The following RAI14 variants were observed in gnomAD, a reference collection of about 807,000 sequenced individuals.
RAI14 encodes the protein ankycorbin.
Under a neutral mutation model 115.4 loss-of-function variants are expected in RAI14, and 45 were observed. That is an observed-to-expected ratio of 0.39 (90% CI 0.31 to 0.50). RAI14 has a LOEUF of 0.50. Ranked by LOEUF, RAI14 falls within the 20% of genes least tolerant of loss-of-function variation. The probability of loss-of-function intolerance (pLI) is 0.85; values close to 1 mark genes in which losing one functional copy is unlikely to be tolerated. For missense variants in RAI14, 939 were observed against 1,131.2 expected (o/e 0.83, Z 2.44); for synonymous variants, 371 against 415.4 (o/e 0.89, Z 1.30).
At chr5:34,792,505 A>G (rs946846142) in intron 3 of RAI14, among the ~76,000 whole-genome samples, 2 of 152,168 alleles carry the variant, frequency 1.3e-5, no homozygotes, top group Non-Finnish European at 2.9e-5. Context: ...AAGTGCTGGG[A>G]TTACAGGCGT....
chr5:34,761,713 C>T (rs905729985), intron 3 of RAI14, among the ~76,000 whole-genome samples: 1 of 152,214 alleles, frequency 6.6e-6, no homozygotes, highest in Non-Finnish European at 1.5e-5. Flanking sequence ...ATGCCACCCT[C>T]CCTGGTTCTC....
At chr5:34,798,675 C>T (rs576149090) in intron 4 of RAI14, among the ~76,000 whole-genome samples, 1 of 152,340 alleles carries the variant, frequency 6.6e-6, no homozygotes, top group South Asian at 2.1e-4. Context: ...AACCCAGTTC[C>T]TGAGAGGCTG....
At chr5:34,782,799 G>A (rs138510467) in intron 3 of RAI14, among the ~76,000 whole-genome samples, 272 of 152,222 alleles carry the variant, frequency 1.8e-3, no homozygotes, top group African/African-American at 6.3e-3. Context: ...ACATAGTGTG[G>A]CCATGACACA....
intron 3 of RAI14, among the ~76,000 whole-genome samples, chr5:34,788,525 C>T (rs1384281019): frequency 6.6e-6 from 1 of 152,164 alleles, no homozygotes; most frequent in Non-Finnish European, 1.5e-5. Context: ...CCATGTCTCA[C>T]ACATAGATAC....
rs530746658 is a variant in RAI14 at position 34,827,605 on chromosome 5, A to G, written c.2799+1126A>G. Reference sequence around the variant, plus strand: ...TTACTCTGGCTGGCCACAAAGTTCAATGCTAGCTTTGGAGGAAACAGCTCT... The same window carrying G: ...TTACTCTGGCTGGCCACAAAGTTCAGTGCTAGCTTTGGAGGAAACAGCTCT... On this transcript the variant is annotated intron_variant, in intron 16 of 17. Transcript: ENST00000265109. This position sits in a 1 kb window ranked among gnomAD's most constrained non-coding sequence, Gnocchi z 4.2. Among the ~76,000 whole-genome samples the G allele has an allele frequency of 2.4e-4, 36 of 152,328 alleles. No homozygotes were observed. Among genetic ancestry groups the G allele is most frequent in the African/African-American group, 8.2e-4 (34 of 41,584 alleles).
At chr5:34,689,114 AG>A (rs1174554303) in intron 2 of RAI14, among the ~76,000 whole-genome samples, 3 of 152,158 alleles carry the variant, frequency 2.0e-5, no homozygotes, top group Non-Finnish European at 2.9e-5. Context: ...TTAAGAAACT[AG>A]GCAATCTGCT....
intron 1 of RAI14, among the ~76,000 whole-genome samples, chr5:34,660,396 A>C (rs1742601068): frequency 6.6e-6 from 1 of 152,170 alleles, no homozygotes; most frequent in Non-Finnish European, 1.5e-5. Flanking sequence ...CCCACCGGCC[A>C]TTGTACTCCA....
chr5:34,775,965 A>G lies in RAI14; in HGVS notation c.167+18367A>G, dbSNP rs150625749. ...ATTGCTATATTGAAAAGATATCTGC[A>G]CTCTCATGTTTATTGTAGCATTATT... On this transcript the variant is annotated intron_variant, in intron 3 of 17. Transcript: ENST00000265109. Among the ~76,000 whole-genome samples, 559 of 152,276 alleles carry G rather than the reference A, an allele frequency of 3.7e-3. 5 individuals are homozygous for G. Among genetic ancestry groups the G allele is most frequent in the African/African-American group, 0.013 (533 of 41,552 alleles).
chr5:34,667,701 T>C (rs1456419384), intron 1 of RAI14, among the ~76,000 whole-genome samples: 1 of 152,204 alleles, frequency 6.6e-6, no homozygotes, highest in Non-Finnish European at 1.5e-5. Context: ...AGAAGACTTG[T>C]ATAGACTTGG....
intron 1 of RAI14, among the ~76,000 whole-genome samples, chr5:34,660,346 C>T (rs994434780): frequency 7.9e-5 from 12 of 152,264 alleles, no homozygotes; most frequent in African/African-American, 2.6e-4. Context: ...GCAGATGAAT[C>T]GCTTGAACCT....
At chr5:34,678,773 C>A (rs185171184) in intron 1 of RAI14, among the ~76,000 whole-genome samples, 1 of 152,194 alleles carries the variant, frequency 6.6e-6, no homozygotes, top group Non-Finnish European at 1.5e-5. Context: ...TCACTGCAGA[C>A]CCCTCTTCTG....
intron 3 of RAI14, among the ~76,000 whole-genome samples, chr5:34,792,027 G>A (rs936422959): frequency 9.9e-5 from 15 of 152,162 alleles, no homozygotes; most frequent in Non-Finnish European, 1.8e-4. Flanking sequence ...GGGGCAGAGA[G>A]AATGCACAGC....
At chr5:34,792,235 C>CTTTTTTTTTT (rs55986330) in intron 3 of RAI14, among the ~76,000 whole-genome samples, 54 of 127,458 alleles carry the variant, frequency 4.2e-4, no homozygotes, top group South Asian at 7.6e-4. Context: ...TTTCTTTTTT[C>CTTTTTTTTTT]TTTTTTTTTT....
rs368644577 is a variant in RAI14, at chr5:34,681,504, A to AT, written c.-48-5361dup. 4.7e-3 allele frequency among the ~76,000 whole-genome samples: 720 copies of AT among 151,900 alleles called. 9 individuals carry two copies. The highest frequency in any genetic ancestry group is 0.015 in the African/African-American group (635 of 41,420). On this transcript the variant is annotated intron_variant, in intron 1 of 17. Coordinates refer to ENST00000265109, the MANE Select transcript of RAI14 (RefSeq NM_015577.3). ...TATTCCGTGATGGAATATTATTATTATTTTTTTCGAGATAGAGTCTCACTC... is the reference window on the plus strand; with the variant it reads ...TATTCCGTGATGGAATATTATTATTATTTTTTTTCGAGATAGAGTCTCACTC...
At chr5:34,707,462 G>A (rs780963273) in intron 2 of RAI14, among the ~76,000 whole-genome samples, 81 of 152,216 alleles carry the variant, frequency 5.3e-4, no homozygotes, top group Middle Eastern at 6.8e-3. Context: ...GCGAGACTCC[G>A]TCTCAAAAAA....
chr5:34,811,918 C>A lies in RAI14; in HGVS notation c.709C>A (p.Leu237Ile). The A allele has an allele frequency of 1.2e-6, 2 of 1,610,812 alleles. No individual in the cohort carries two copies. The highest frequency in any genetic ancestry group is 1.7e-6 in the Non-Finnish European group (2 of 1,179,022). ...AGAAAATGCAGGAATTCAAAGCCTTCTATTATCAAAAATCTCTCAGGATGC... is the reference window on the plus strand; with the variant it reads ...AGAAAATGCAGGAATTCAAAGCCTTATATTATCAAAAATCTCTCAGGATGC... ...LSENAGIQSL[L>I]LSKISQDADL... is the part of the protein sequence containing the mutation. Residue 237 changes from leucine (L) to isoleucine (I), a missense_variant, in exon 9 of 18, where the codon CTA (leucine) becomes ATA (isoleucine). Transcript: ENST00000265109.
chr5:34,718,157 G>A (rs1258190307), intron 2 of RAI14, among the ~76,000 whole-genome samples: 5 of 152,204 alleles, frequency 3.3e-5, no homozygotes, highest in African/African-American at 9.7e-5. Flanking sequence ...TAGCAAATTA[G>A]TGAATTGTGG....
intron 2 of RAI14, among the ~76,000 whole-genome samples, chr5:34,729,835 C>T (rs1436980484): frequency 6.6e-6 from 1 of 152,172 alleles, no homozygotes; most frequent in Admixed American, 6.5e-5. Flanking sequence ...AACCTGATTT[C>T]ATCAAACCAA....
At chr5:34,713,571 A>G (rs1186492904) in intron 2 of RAI14, among the ~76,000 whole-genome samples, 1 of 152,226 alleles carries the variant, frequency 6.6e-6, no homozygotes, top group African/African-American at 2.4e-5. Flanking sequence ...AAAATTTTAA[A>G]CATTGTTTTA....
Sources: allele counts gnomAD v4.1 joint callset (sites outside exome capture counted in the v4.1 genomes callset), GRCh38; gene constraint gnomAD v4.1.1; non-coding constraint Gnocchi (gnomAD v3.1); transcripts MANE v1.5; gene names NCBI Gene and HGNC (gene_info 2026-07-23, HGNC 2026-07-21).